Variants in RPTOR observed in about 807,000 individuals in gnomAD.
The protein encoded by RPTOR is regulatory-associated protein of mTOR.
RPTOR carries 21 observed loss-of-function variants against 169.9 expected under a neutral mutation model. The observed-to-expected ratio is 0.12, with a 90% CI of 0.09 to 0.18. The LOEUF is 0.18. Among genes scored for constraint, RPTOR ranks in the 10% least tolerant of loss-of-function variants. RPTOR has a pLI of 1.00. For missense variants in RPTOR, 1,133 were observed against 1,855.9 expected (o/e 0.61, Z 7.16); for synonymous variants, 732 against 753.2 (o/e 0.97, Z 0.46).
chr17:80,709,460 G>T (rs1031706469), intron 4 of RPTOR, among the ~76,000 whole-genome samples: 2 of 152,092 alleles, frequency 1.3e-5, no homozygotes, highest in Non-Finnish European at 2.9e-5. Context: ...TGATACGCTG[G>T]GCGGACGCTG....
intron 1 of RPTOR, among the ~76,000 whole-genome samples, chr17:80,590,385 G>A (rs1288676098): frequency 6.6e-6 from 1 of 151,030 alleles, no homozygotes; most frequent in African/African-American, 2.4e-5. Flanking sequence ...CCGTGTGTTA[G>A]CATGGTGAAG....
chr17:80,837,047 G>A (rs1345276100), intron 9 of RPTOR, among the ~76,000 whole-genome samples: 2 of 152,170 alleles, frequency 1.3e-5, no homozygotes, highest in Non-Finnish European at 2.9e-5. Context: ...CGGCCCTGAA[G>A]GACGGGGTCG....
intron 6 of RPTOR, among the ~76,000 whole-genome samples, chr17:80,755,116 C>G (rs2066667379): frequency 6.8e-6 from 1 of 146,096 alleles, no homozygotes; most frequent in African/African-American, 2.4e-5. Flanking sequence ...ACTTGGCCTT[C>G]CTGCTCTGCC....
chr17:80,863,291 G>A (rs2067941232), intron 13 of RPTOR, among the ~76,000 whole-genome samples: 1 of 152,046 alleles, frequency 6.6e-6, no homozygotes, highest in Admixed American at 6.5e-5. Context: ...ATCCCAGAGG[G>A]CCTCCCCCAG....
chr17:80,624,112 C>A (rs2065375648), intron 1 of RPTOR, among the ~76,000 whole-genome samples: 1 of 152,066 alleles, frequency 6.6e-6, no homozygotes, highest in Admixed American at 6.5e-5. Context: ...TTAATGTTAA[C>A]CGTACTGTCA....
chr17:80,749,724 T>C (rs2066613266), intron 5 of RPTOR, among the ~76,000 whole-genome samples: 1 of 152,164 alleles, frequency 6.6e-6, no homozygotes, highest in African/African-American at 2.4e-5. Context: ...CTTTTTTTGT[T>C]TGTCTTTAGA....
chr17:80,829,473 C>G (rs113387111), intron 9 of RPTOR, among the ~76,000 whole-genome samples: 2 of 152,212 alleles, frequency 1.3e-5, no homozygotes, highest in Non-Finnish European at 1.5e-5. Flanking sequence ...TGATATCTAA[C>G]GTGGCATTAA....
At chr17:80,700,563 A>T (rs1357155153) in intron 3 of RPTOR, among the ~76,000 whole-genome samples, 2 of 106,358 alleles carry the variant, frequency 1.9e-5, no homozygotes, top group Non-Finnish European at 3.9e-5. Context: ...GTGATGGTAG[A>T]GATGATGGTG....
Position 80,885,008 on chromosome 17 carries a change from G to A in RPTOR, c.1843G>A (p.Val615Ile), listed in dbSNP as rs1180507699. The A allele has an allele frequency of 6.2e-7, 1 of 1,608,010 alleles. No homozygotes were observed. Among genetic ancestry groups the A allele is most frequent in the Non-Finnish European group, 8.5e-7 (1 of 1,178,200 alleles). The change falls in exon 17 of 34, where the codon GTC becomes ATC. Residue 615 changes from valine to isoleucine, a missense_variant and splice_region_variant. Val to Ile is a conservative substitution (Grantham distance 29). Around this residue, in one of 9 missense-constraint regions of RPTOR, gnomAD observed 289 missense variants for 585.8 expected, o/e 0.49. Transcript: ENST00000306801. Reference protein sequence around the residue: ...YSLLSDPIPEVRCAAVFALGT... With the variant: ...YSLLSDPIPEIRCAAVFALGT... Reference sequence around the variant, plus strand: ...CCTGTGACCCCCCGCCGCCTTGCAGGTCCGCTGCGCAGCGGTCTTCGCCCT... The same window carrying A: ...CCTGTGACCCCCCGCCGCCTTGCAGATCCGCTGCGCAGCGGTCTTCGCCCT...
At chr17:80,733,924 C>A (rs561439669) in intron 5 of RPTOR, among the ~76,000 whole-genome samples, 51 of 152,274 alleles carry the variant, frequency 3.3e-4, no homozygotes, top group African/African-American at 1.2e-3. Flanking sequence ...ATTTTCAAGG[C>A]TCTTAGCTTC....
At chr17:80,737,812 C>CCCCCG (rs1481085400) in intron 5 of RPTOR, among the ~76,000 whole-genome samples, 1 of 151,006 alleles carries the variant, frequency 6.6e-6, no homozygotes, top group African/African-American at 2.5e-5. Flanking sequence ...CTCCCCCGCC[C>CCCCCG]CCCCGCCACA....
intron 25 of RPTOR, among the ~76,000 whole-genome samples, chr17:80,942,548 A>G (rs4969312): frequency 8.5e-5 from 13 of 152,092 alleles, no homozygotes; most frequent in Non-Finnish European, 1.3e-4. Context: ...CAGCAGGCGT[A>G]GTGCCGGGAG....
chr17:80,650,788 C>T (rs1567839344), intron 3 of RPTOR, among the ~76,000 whole-genome samples: 1 of 152,142 alleles, frequency 6.6e-6, no homozygotes, highest in Admixed American at 6.5e-5. Flanking sequence ...GAACATTCTG[C>T]CCAGGAGTCT....
rs770429748 is a variant in RPTOR at position 80,822,294 on chromosome 17, C to T, written c.984C>T (p.Leu328=). ...CAGACACCATCGCGTGGAACGTGCT[C>T]CCCCGGGGTGAGGCGCGGGCCGGGC... ...AITDTIAWNV[L]PRDLFQKLFR... is the part of the protein sequence containing the mutation. Residue 328 remains leucine (L), a synonymous_variant, in exon 8 of 34, where the codon CTC becomes CTT. Coordinates refer to ENST00000306801, the MANE Select transcript of RPTOR (RefSeq NM_020761.3). The T allele has an allele frequency of 1.9e-5, 31 of 1,613,854 alleles. No homozygotes were observed. Among genetic ancestry groups the T allele is most frequent in the Non-Finnish European group, 2.5e-5 (29 of 1,179,912 alleles).
In RPTOR at chr17:80,891,813, G is replaced by T. The variant is rs752600548; in HGVS notation, c.2077G>T (p.Ala693Ser). ...LQFIEEEKNY[A>S]LPSPATTEGG... Reference sequence around the variant, plus strand: ...GTTCATAGAAGAGGAAAAGAACTACGCCTTGCCTTCTCCAGCAACCACAGG... The same window carrying T: ...GTTCATAGAAGAGGAAAAGAACTACTCCTTGCCTTCTCCAGCAACCACAGG... The change falls in exon 18 of 34, where the codon GCC becomes TCC. Residue 693 changes from alanine (A) to serine (S), a missense_variant. Physicochemically the swap from Ala to Ser is moderately conservative, Grantham distance 99. Coordinates refer to ENST00000306801, the MANE Select transcript of RPTOR (RefSeq NM_020761.3). 1 of 1,613,622 alleles carries T rather than the reference G, an allele frequency of 6.2e-7. No individual in the cohort carries two copies. Among genetic ancestry groups the T allele is most frequent in the Non-Finnish European group, 8.5e-7 (1 of 1,179,638 alleles).
chr17:80,585,300 G>A (rs1168237119), intron 1 of RPTOR, among the ~76,000 whole-genome samples: 5 of 151,726 alleles, frequency 3.3e-5, no homozygotes, highest in Non-Finnish European at 4.4e-5. Context: ...CGCTTCCCGG[G>A]TTCAAGCGAT....
intron 3 of RPTOR, among the ~76,000 whole-genome samples, chr17:80,686,550 C>T (rs1353753320): frequency 6.6e-6 from 1 of 152,186 alleles, no homozygotes; most frequent in African/African-American, 2.4e-5. Flanking sequence ...GGTAAATTTA[C>T]AGTATTTGCC....
At chr17:80,713,050 T>C (rs898637761) in intron 4 of RPTOR, among the ~76,000 whole-genome samples, 10 of 152,174 alleles carry the variant, frequency 6.6e-5, no homozygotes, top group African/African-American at 2.2e-4. Context: ...TCTTTCCATA[T>C]TTCAGATGCC....
intron 10 of RPTOR, among the ~76,000 whole-genome samples, chr17:80,842,333 A>ATTTT (rs34731564): frequency 6.7e-6 from 1 of 149,934 alleles, no homozygotes; most frequent in African/African-American, 2.4e-5. Flanking sequence ...TTGATTACTG[A>ATTTT]TTTTTTTTTT....
Sources: allele counts gnomAD v4.1 joint callset (sites outside exome capture counted in the v4.1 genomes callset), GRCh38; gene constraint gnomAD v4.1.1; regional missense constraint gnomAD v4.1.1; transcripts MANE v1.5; gene names NCBI Gene and HGNC (gene_info 2026-07-23, HGNC 2026-07-21).